The following ARHGAP26 variants were observed in gnomAD, a reference collection of about 807,000 sequenced individuals.
The protein encoded by ARHGAP26 is rho GTPase-activating protein 26.
A neutral mutation model predicts 104.8 loss-of-function variants in ARHGAP26; 38 were observed. That is an observed-to-expected ratio of 0.36 (90% confidence interval 0.28 to 0.48). ARHGAP26 has a LOEUF of 0.48. ARHGAP26 is among the 20% of genes least tolerant of loss of function. The pLI is 0.99. For synonymous variants in ARHGAP26, 341 were observed against 340.0 expected (o/e 1.00, Z -0.03); for missense variants, 704 against 947.9 (o/e 0.74, Z 3.38).
At chr5:143,001,619 G>T (rs1474183011) in intron 11 of ARHGAP26, among the ~76,000 whole-genome samples, 1 of 152,192 alleles carries the variant, frequency 6.6e-6, no homozygotes, top group Non-Finnish European at 1.5e-5. Flanking sequence ...GTTCTGGCTG[G>T]CCTAAGTCAC....
intron 1 of ARHGAP26, among the ~76,000 whole-genome samples, chr5:142,793,378 C>T (rs2151921949): frequency 6.7e-6 from 1 of 149,230 alleles, no homozygotes; most frequent in Middle Eastern, 3.6e-3. Context: ...TTTAGTCTCA[C>T]TGGTCCCAGC....
intron 17 of ARHGAP26, among the ~76,000 whole-genome samples, chr5:143,091,636 AT>A (rs1363031389): frequency 1.3e-5 from 2 of 152,202 alleles, no homozygotes; most frequent in Non-Finnish European, 2.9e-5. Flanking sequence ...GTTAAACTCA[AT>A]TTTAATTAAA....
intron 11 of ARHGAP26, among the ~76,000 whole-genome samples, chr5:142,955,884 C>G (rs1769156236): frequency 6.6e-6 from 1 of 152,178 alleles, no homozygotes; most frequent in Non-Finnish European, 1.5e-5. Context: ...CCTTGTGAAG[C>G]TTTATGCTTA....
At chr5:142,975,739 A>G (rs1772980556) in intron 11 of ARHGAP26, among the ~76,000 whole-genome samples, 1 of 152,188 alleles carries the variant, frequency 6.6e-6, no homozygotes, top group Non-Finnish European at 1.5e-5. Context: ...CGTCCCTGAG[A>G]TTACTTAATA....
chr5:142,905,930 C>T (rs1156876576), intron 8 of ARHGAP26, among the ~76,000 whole-genome samples: 2 of 152,158 alleles, frequency 1.3e-5, no homozygotes, highest in African/African-American at 4.8e-5. Context: ...TTGTTGTTCT[C>T]CAGTACAGAA....
chr5:143,189,524 G>C (rs940877496), intron 20 of ARHGAP26, among the ~76,000 whole-genome samples: 1 of 151,992 alleles, frequency 6.6e-6, no homozygotes, highest in African/African-American at 2.4e-5. Context: ...GGTTGTTTAC[G>C]AGTTTATTTT....
At chr5:143,108,291 G>C (rs1193329460) in intron 17 of ARHGAP26, among the ~76,000 whole-genome samples, 1 of 152,182 alleles carries the variant, frequency 6.6e-6, no homozygotes, top group Non-Finnish European at 1.5e-5. Context: ...ATGGAATGTG[G>C]ATGTACTATA....
chr5:143,116,078 T>A (rs1795402052), intron 17 of ARHGAP26, among the ~76,000 whole-genome samples: 1 of 152,142 alleles, frequency 6.6e-6, no homozygotes, highest in Admixed American at 6.5e-5. Context: ...TCTGATATAG[T>A]GTGGGGGTGT....
At chr5:143,140,583 AACTG>A (rs1798395260) in intron 19 of ARHGAP26, among the ~76,000 whole-genome samples, 1 of 152,216 alleles carries the variant, frequency 6.6e-6, no homozygotes, top group Non-Finnish European at 1.5e-5. Context: ...TGTATCTTAC[AACTG>A]ACTAAGGAAA....
chr5:142,890,168 A>ATATATG (rs1758430189), intron 5 of ARHGAP26, among the ~76,000 whole-genome samples: 14 of 89,428 alleles, frequency 1.6e-4, no homozygotes, highest in African/African-American at 6.9e-4. Context: ...ATATATATAT[A>ATATATG]TATATATATA....
Position 142,879,437 on chromosome 5 carries a change from G to C in ARHGAP26, c.376G>C (p.Ala126Pro). The change falls in exon 4 of 23, where the codon GCT (alanine) becomes CCT (proline). Residue 126 changes from alanine to proline, a missense_variant. Ala to Pro is a conservative substitution (Grantham distance 27). Around this residue, in one of 6 missense-constraint regions of ARHGAP26, gnomAD observed 106 missense variants for 120.5 expected, o/e 0.88. Coordinates refer to ENST00000645722, the MANE Select transcript of ARHGAP26 (RefSeq NM_001135608.3). ...LEKFRKEQIG[A>P]AKEAKKKYDK... ...GAAGTTTCGAAAGGAACAGATCGGG[G>C]CTGCCAAGGTGAGAATTTTGCAAGC... The C allele has an allele frequency of 1.9e-6, 3 of 1,611,844 alleles. No homozygotes were observed. The highest frequency in any genetic ancestry group is 2.5e-6 in the Non-Finnish European group (3 of 1,179,140).
At chr5:143,071,026 GAAC>G (rs1788174934) in intron 17 of ARHGAP26, among the ~76,000 whole-genome samples, 1 of 152,164 alleles carries the variant, frequency 6.6e-6, no homozygotes, top group Non-Finnish European at 1.5e-5. Context: ...TCCTAAGAAA[GAAC>G]AAAGCTAGTG....
chr5:142,979,517 C>T (rs77220877), intron 11 of ARHGAP26, among the ~76,000 whole-genome samples: 1,767 of 152,326 alleles, frequency 0.012, 20 homozygotes, highest in African/African-American at 0.029. Flanking sequence ...CAAACATAGA[C>T]GTATCTCTTG....
intron 20 of ARHGAP26, among the ~76,000 whole-genome samples, chr5:143,161,159 G>T (rs149188321): frequency 6.6e-6 from 1 of 151,962 alleles, no homozygotes; most frequent in South Asian, 2.1e-4. Flanking sequence ...TTACAGGCAC[G>T]CAGCACCACA....
chr5:142,809,147 T>C (rs774646412), intron 1 of ARHGAP26, among the ~76,000 whole-genome samples: 10 of 152,248 alleles, frequency 6.6e-5, no homozygotes, highest in Non-Finnish European at 1.2e-4. Context: ...AATGTTGAAA[T>C]GGAACTCTAT....
rs1009894349 is a variant in ARHGAP26, at chr5:143,223,187, CA to C, written c.*748del. 2.4e-4 allele frequency: 55 copies of C among 233,062 alleles called. No individual in the cohort carries two copies. Among genetic ancestry groups the C allele is most frequent in the African/African-American group, 1.2e-3 (53 of 45,374 alleles). The allele number at this position is 233,062 out of a possible 1,614,324, so 14.4% of individuals were successfully genotyped here. On this transcript the variant is annotated 3_prime_UTR_variant, in exon 23 of 23. Coordinates refer to ENST00000645722, the MANE Select transcript of ARHGAP26 (RefSeq NM_001135608.3). Reference sequence around the variant, plus strand: ...AACCCAACCTACTCTAAAACCAAACCAAAAAAATAAAATAACACATCCTCTT... The same window carrying C: ...AACCCAACCTACTCTAAAACCAAACCAAAAAATAAAATAACACATCCTCTT...
At chr5:143,072,229 G>A (rs940497050) in intron 17 of ARHGAP26, among the ~76,000 whole-genome samples, 2 of 152,176 alleles carry the variant, frequency 1.3e-5, no homozygotes, top group Non-Finnish European at 2.9e-5. Context: ...TCTCTAGGAT[G>A]ACTATTATCA....
At chr5:142,811,010 C>T (rs1233980062) in intron 1 of ARHGAP26, among the ~76,000 whole-genome samples, 2 of 152,224 alleles carry the variant, frequency 1.3e-5, no homozygotes. Context: ...CCTCCCATCT[C>T]CCTCTCCCAC....
chr5:142,857,536 C>T (rs891809293), intron 1 of ARHGAP26, among the ~76,000 whole-genome samples: 14 of 152,168 alleles, frequency 9.2e-5, no homozygotes, highest in Non-Finnish European at 1.8e-4. Flanking sequence ...CACCTCGTCC[C>T]TCCTGCAGCA....
Sources: gnomAD v4.1 joint callset for allele counts (sites outside exome capture counted in the v4.1 genomes callset) on GRCh38, gnomAD v4.1.1 for gene constraint, gnomAD v4.1.1 regional missense constraint, MANE v1.5 for transcripts, NCBI Gene and HGNC (gene_info 2026-07-23, HGNC 2026-07-21) for gene names.